RBFOX1: variants seen among roughly 807,000 people sequenced by gnomAD.
The protein encoded by RBFOX1 is RNA binding fox-1 homolog 1.
A neutral mutation model predicts 57.7 loss-of-function variants in RBFOX1; 8 were observed. The observed-to-expected ratio is 0.14, with a 90% CI of 0.08 to 0.25. The LOEUF (loss-of-function observed/expected upper bound fraction) is 0.25. Among genes scored for constraint, RBFOX1 ranks in the 10% least tolerant of loss-of-function variants. The pLI is 1.00. For missense variants in RBFOX1, 611 were observed against 548.5 expected, an observed-to-expected ratio of 1.11 and a Z score of -1.14; for synonymous variants, 326 against 222.4, an observed-to-expected ratio of 1.47 and a Z score of -4.15.
In RBFOX1 at chr16:7,192,965, G is replaced by A. The variant is rs1016172185; in HGVS notation, c.27+140867G>A. Among the ~76,000 whole-genome samples, 5 of 152,242 alleles carry A rather than the reference G, an allele frequency of 3.3e-5. No individual in the cohort carries two copies. In the East Asian group the frequency reaches 7.7e-4, roughly 24 times the overall value. On this transcript the variant is annotated intron_variant, in intron 4 of 15. Coordinates refer to ENST00000550418, the MANE Select transcript of RBFOX1 (RefSeq NM_018723.4). ...GATCTCTTCCCCTCCTCTTTGTGTC[G>A]ACAGACATCTTTGGGTTGGACAAGG... is the stretch of plus-strand genomic sequence containing the variant.
chr16:7,555,495 AC>A (rs764080905), intron 5 of RBFOX1, among the ~76,000 whole-genome samples: 9 of 152,226 alleles, frequency 5.9e-5, no homozygotes, highest in Non-Finnish European at 1.3e-4. Flanking sequence ...TATCTTTGCA[AC>A]TTTTTTGTAA....
At chr16:6,065,326 C>G (rs1012738403) in intron 1 of RBFOX1, among the ~76,000 whole-genome samples, 4 of 151,932 alleles carry the variant, frequency 2.6e-5, no homozygotes, top group Non-Finnish European at 5.9e-5. Context: ...TGAACCACCG[C>G]ACGCGGCCCT....
chr16:5,811,486 C>T (rs543459959), intron 3 of RBFOX1, among the ~76,000 whole-genome samples: 6 of 146,398 alleles, frequency 4.1e-5, no homozygotes, highest in African/African-American at 7.6e-5. Flanking sequence ...GAATCTCATT[C>T]TGTCACCAGG....
In RBFOX1 at chr16:7,592,280, G is replaced by T. The variant is rs537091644; in HGVS notation, c.469-3269G>T. ...CTTAAAAAGTGAGAACTTGAGAATA[G>T]ATGAGGCTATTTCCTTTTTAGTTCA... On this transcript the variant is annotated intron_variant, in intron 7 of 15. Transcript: ENST00000550418. Among the ~76,000 whole-genome samples, 4 of 152,354 alleles carry T rather than the reference G, an allele frequency of 2.6e-5. No individual in the cohort carries two copies. The East Asian group carries it at 7.7e-4, about 29-fold the overall frequency.
intron 1 of RBFOX1, among the ~76,000 whole-genome samples, chr16:5,411,194 C>T (rs1459132313): frequency 6.6e-6 from 1 of 152,200 alleles, no homozygotes; most frequent in Non-Finnish European, 1.5e-5. Context: ...CCTTAATCCC[C>T]AGAAAGTGCG....
chr16:5,749,437 C>T (rs1054444517), intron 3 of RBFOX1, among the ~76,000 whole-genome samples: 4 of 151,742 alleles, frequency 2.6e-5, no homozygotes, highest in African/African-American at 9.7e-5. Context: ...GGGAAGTTCT[C>T]CTGGATAATA....
intron 1 of RBFOX1, among the ~76,000 whole-genome samples, chr16:6,302,975 TG>T (rs1428945477): frequency 6.6e-6 from 1 of 152,332 alleles, no homozygotes. Flanking sequence ...ATATTTTATG[TG>T]GGGGTGTCTC....
At chr16:6,139,802 C>G (rs1247023552) in intron 1 of RBFOX1, among the ~76,000 whole-genome samples, 1 of 151,656 alleles carries the variant, frequency 6.6e-6, no homozygotes. Flanking sequence ...CTGTCCTGTT[C>G]CCCATTTTTA....
chr16:6,864,022 C>A (rs1446424802), intron 3 of RBFOX1, among the ~76,000 whole-genome samples: 2 of 143,682 alleles, frequency 1.4e-5, no homozygotes, highest in African/African-American at 5.2e-5. Flanking sequence ...TTATGCCTTG[C>A]AAAACCTCTA....
intron 3 of RBFOX1, among the ~76,000 whole-genome samples, chr16:5,683,765 A>G (rs2050418428): frequency 6.7e-6 from 1 of 148,222 alleles, no homozygotes; most frequent in Non-Finnish European, 1.5e-5. Flanking sequence ...ATAATATATA[A>G]TATATATACT....
intron 1 of RBFOX1, among the ~76,000 whole-genome samples, chr16:6,153,959 A>G (rs1405018487): frequency 6.6e-6 from 1 of 152,220 alleles, no homozygotes; most frequent in Non-Finnish European, 1.5e-5. Context: ...CAAATACAGT[A>G]TGTCAAGCAA....
At chr16:7,404,609 C>T (rs1344192375) in intron 4 of RBFOX1, among the ~76,000 whole-genome samples, 1 of 152,332 alleles carries the variant, frequency 6.6e-6, no homozygotes, top group East Asian at 1.9e-4. Context: ...CCAGTACCTA[C>T]ACCTCAGAAG....
chr16:6,239,650 A>G (rs1417211712), intron 1 of RBFOX1, among the ~76,000 whole-genome samples: 3 of 151,468 alleles, frequency 2.0e-5, no homozygotes, highest in African/African-American at 7.3e-5. Flanking sequence ...GGCACCCACC[A>G]CCATGTCCAG....
chr16:6,901,380 A>C (rs2068446693), intron 3 of RBFOX1, among the ~76,000 whole-genome samples: 1 of 152,182 alleles, frequency 6.6e-6, no homozygotes, highest in African/African-American at 2.4e-5. Flanking sequence ...GTGCAAAATC[A>C]AAGTGAACAG....
intron 4 of RBFOX1, among the ~76,000 whole-genome samples, chr16:7,499,629 C>G (rs368099899): frequency 4.6e-5 from 7 of 152,206 alleles, no homozygotes; most frequent in East Asian, 1.9e-4. Context: ...CGTTAAAAAT[C>G]AAACGAGAAA....
chr16:7,401,032 C>T (rs2098233605), intron 4 of RBFOX1, among the ~76,000 whole-genome samples: 1 of 152,128 alleles, frequency 6.6e-6, no homozygotes, highest in Non-Finnish European at 1.5e-5. Flanking sequence ...GATATATTGC[C>T]CGATGCAGCT....
At chr16:6,273,591 C>A (rs998012339) in intron 1 of RBFOX1, among the ~76,000 whole-genome samples, 5 of 151,910 alleles carry the variant, frequency 3.3e-5, no homozygotes, top group African/African-American at 9.7e-5. Context: ...GGTGATCCGC[C>A]CGCCTCGGCC....
chr16:6,277,237 G>A (rs984267681), intron 1 of RBFOX1, among the ~76,000 whole-genome samples: 5 of 152,062 alleles, frequency 3.3e-5, no homozygotes, highest in African/African-American at 1.2e-4. Context: ...AAGGCAGGCA[G>A]ATAACTTCAC....
At chr16:6,447,386 T>C (rs565604065) in intron 2 of RBFOX1, among the ~76,000 whole-genome samples, 2 of 152,328 alleles carry the variant, frequency 1.3e-5, no homozygotes, top group South Asian at 2.1e-4. Flanking sequence ...TTGAAGCTAA[T>C]TGGACTATAC....
Sources: allele counts gnomAD v4.1 joint callset (sites outside exome capture counted in the v4.1 genomes callset), GRCh38; gene constraint gnomAD v4.1.1; transcripts MANE v1.5; gene names NCBI Gene and HGNC (gene_info 2026-07-23, HGNC 2026-07-21).